TIAM1: variants seen among roughly 807,000 people sequenced by gnomAD.
TIAM1 encodes rho guanine nucleotide exchange factor TIAM1.
A neutral mutation model predicts 163.5 loss-of-function variants in TIAM1; 65 were observed. The ratio of observed to expected loss-of-function variants is 0.40; its 90% CI spans 0.33 to 0.49. The LOEUF (loss-of-function observed/expected upper bound fraction) is 0.49. Among genes scored for constraint, TIAM1 ranks in the 20% least tolerant of loss-of-function variants. The pLI is 0.77. For missense variants in TIAM1, 1,789 were observed against 2,044.7 expected (o/e 0.87, Z 2.41); for synonymous variants, 833 against 810.1 (o/e 1.03, Z -0.48).
rs1307351362 is a variant in TIAM1 at position 31,125,922 on chromosome 21, C to A, written c.4133+1143G>T. ...CCTTAGGCTAAGTACCATCTCTAAGCCTTGCTTCCCCATTTGTAAACTGGA... is the reference window on the plus strand; with the variant it reads ...CCTTAGGCTAAGTACCATCTCTAAGACTTGCTTCCCCATTTGTAAACTGGA... On this transcript the variant is annotated intron_variant, in intron 26 of 27. Transcript: ENST00000541036. Among the ~76,000 whole-genome samples, 4 of 152,184 alleles carry A rather than the reference C, an allele frequency of 2.6e-5. No homozygotes were observed. The East Asian group carries it at 7.7e-4, about 29-fold the overall frequency.
intron 13 of TIAM1, among the ~76,000 whole-genome samples, chr21:31,191,701 T>C (rs1385704455): frequency 6.6e-6 from 1 of 152,188 alleles, no homozygotes; most frequent in East Asian, 1.9e-4. Context: ...TTTGTAACAC[T>C]CTCAAGACTG....
intron 13 of TIAM1, among the ~76,000 whole-genome samples, chr21:31,193,184 G>A (rs1471562543): frequency 1.3e-5 from 2 of 152,216 alleles, no homozygotes; most frequent in African/African-American, 2.4e-5. Context: ...ATAGGAAAGC[G>A]TTAACACAGC....
intron 15 of TIAM1, among the ~76,000 whole-genome samples, chr21:31,170,397 T>TATTA (rs1158113422): frequency 1.3e-5 from 2 of 152,172 alleles, no homozygotes; most frequent in Non-Finnish European, 1.5e-5. Flanking sequence ...GTAGGCCACA[T>TATTA]ATTAGGCCAC....
chr21:31,183,696 A>AT (rs537476967), intron 14 of TIAM1, among the ~76,000 whole-genome samples: 5,800 of 140,732 alleles, frequency 0.041, 128 homozygotes, highest in Non-Finnish European at 0.046. Context: ...ATCTGAAATC[A>AT]TTTTTTTTTT....
chr21:31,445,852 T>C (rs1350276582), intron 2 of TIAM1, among the ~76,000 whole-genome samples: 2 of 152,162 alleles, frequency 1.3e-5, no homozygotes, highest in African/African-American at 4.8e-5. Context: ...GTTTTGTTGG[T>C]TGTATTTTAA....
At chr21:31,352,292 T>G (rs1209674572) in intron 2 of TIAM1, among the ~76,000 whole-genome samples, 1 of 152,118 alleles carries the variant, frequency 6.6e-6, no homozygotes, top group Non-Finnish European at 1.5e-5. Flanking sequence ...TGGATGAACC[T>G]TCAAAATATT....
At chr21:31,514,974 T>G (rs2047333898) in intron 1 of TIAM1, among the ~76,000 whole-genome samples, 1 of 152,208 alleles carries the variant, frequency 6.6e-6, no homozygotes, top group Admixed American at 6.5e-5. Context: ...TCATTATGTC[T>G]ATTACACAGG....
At chr21:31,310,525 A>G (rs991787549) in intron 2 of TIAM1, among the ~76,000 whole-genome samples, 10 of 152,212 alleles carry the variant, frequency 6.6e-5, no homozygotes, top group Non-Finnish European at 1.3e-4. Context: ...TCTTCTAGGT[A>G]GTCACAAAGC....
At chr21:31,163,920 G>GA (rs1201377923) in intron 16 of TIAM1, among the ~76,000 whole-genome samples, 1 of 152,186 alleles carries the variant, frequency 6.6e-6, no homozygotes, top group African/African-American at 2.4e-5. Flanking sequence ...CAACATTATA[G>GA]AAAAAGATGA....
At chr21:31,506,509 A>G (rs1258770090) in intron 1 of TIAM1, among the ~76,000 whole-genome samples, 1 of 151,814 alleles carries the variant, frequency 6.6e-6, no homozygotes, top group East Asian at 1.9e-4. Context: ...GAATTTCACT[A>G]CTCTAGGTCC....
chr21:31,222,679 ATATAT>A (rs1569055902), intron 8 of TIAM1, among the ~76,000 whole-genome samples: 59 of 35,010 alleles, frequency 1.7e-3, no homozygotes, highest in African/African-American at 3.2e-3. Flanking sequence ...ACACATACAT[ATATAT>A]ATATATATAT....
At chr21:31,396,473 T>C (rs2077071320) in intron 2 of TIAM1, among the ~76,000 whole-genome samples, 1 of 152,004 alleles carries the variant, frequency 6.6e-6, no homozygotes, top group South Asian at 2.1e-4. Context: ...CCATGTTTAT[T>C]CTCCTACCTG....
At chr21:31,461,684 G>A (rs2045332596) in intron 2 of TIAM1, among the ~76,000 whole-genome samples, 1 of 152,082 alleles carries the variant, frequency 6.6e-6, no homozygotes, top group Admixed American at 6.6e-5. Flanking sequence ...GTGTGTGTGA[G>A]AGACCTGATC....
chr21:31,166,691 A>C (rs2084233282), intron 15 of TIAM1, among the ~76,000 whole-genome samples: 1 of 152,214 alleles, frequency 6.6e-6, no homozygotes, highest in Admixed American at 6.5e-5. Context: ...GTGGTCAAAG[A>C]AGGAAGCTCA....
rs34323103 is a variant in TIAM1 at position 31,311,172 on chromosome 21, G to GT, written c.-189+28070dup. Among the ~76,000 whole-genome samples the GT allele has an allele frequency of 6.5e-3, 953 of 147,068 alleles. 8 individuals carry two copies. Among genetic ancestry groups the GT allele is most frequent in the African/African-American group, 0.017 (677 of 40,240 alleles). ...AATGGTTTTTTTGTTTGTTTGTTTT[G>GT]TTTTTTTTTTTGTCAAATTTGGAGG... On this transcript the variant is annotated intron_variant, in intron 2 of 27. Transcript: ENST00000541036.
chr21:31,533,165 A>T (rs1292199277), intron 1 of TIAM1, among the ~76,000 whole-genome samples: 1 of 152,020 alleles, frequency 6.6e-6, no homozygotes, highest in Admixed American at 6.6e-5. Context: ...TACTAAAACC[A>T]CAAAAATTAG....
chr21:31,217,284 G>A (rs1037538166), intron 9 of TIAM1, among the ~76,000 whole-genome samples: 2 of 152,162 alleles, frequency 1.3e-5, no homozygotes, highest in African/African-American at 2.4e-5. Context: ...GACTCAGGGT[G>A]AATTGTGCGC....
At chr21:31,203,815 C>T (rs954107656) in intron 11 of TIAM1, among the ~76,000 whole-genome samples, 1 of 152,170 alleles carries the variant, frequency 6.6e-6, no homozygotes, top group African/African-American at 2.4e-5. Context: ...CATTTGCAAG[C>T]GAGTCAGTGT....
intron 2 of TIAM1, among the ~76,000 whole-genome samples, chr21:31,306,691 A>G (rs2074723795): frequency 6.6e-6 from 1 of 152,234 alleles, no homozygotes; most frequent in Admixed American, 6.5e-5. Flanking sequence ...ACTGAGGGGC[A>G]TTCTACACAA....
Sources: allele counts gnomAD v4.1 joint callset (sites outside exome capture counted in the v4.1 genomes callset), GRCh38; gene constraint gnomAD v4.1.1; transcripts MANE v1.5; gene names NCBI Gene and HGNC (gene_info 2026-07-23, HGNC 2026-07-21).